The following COP1 variants were observed in gnomAD, a reference collection of about 807,000 sequenced individuals.
COP1 encodes E3 ubiquitin-protein ligase COP1.
A neutral mutation model predicts 101.3 loss-of-function variants in COP1; 24 were observed. The ratio of observed to expected loss-of-function variants is 0.24; its 90% confidence interval spans 0.17 to 0.33. COP1 has a LOEUF of 0.33. COP1 is among the 10% of genes least tolerant of loss of function. COP1 has a pLI of 1.00. For synonymous variants in COP1, 347 were observed against 341.9 expected, an observed-to-expected ratio of 1.01 and a Z score of -0.17; for missense variants, 663 against 906.2, an observed-to-expected ratio of 0.73 and a Z score of 3.45.
chr1:176,113,040 C>T (rs1018918791), intron 9 of COP1, among the ~76,000 whole-genome samples: 4 of 152,106 alleles, frequency 2.6e-5, no homozygotes, highest in Non-Finnish European at 4.4e-5. Context: ...GTGCAGGTAT[C>T]TCTTCCTTTC....
chr1:176,188,196 GCA>G (rs1698707771), intron 1 of COP1, among the ~76,000 whole-genome samples: 1 of 151,926 alleles, frequency 6.6e-6, no homozygotes, highest in South Asian at 2.1e-4. Flanking sequence ...ATAGCAGCCT[GCA>G]CAGACTACAA....
chr1:176,120,205 G>C (rs527519472), intron 8 of COP1, among the ~76,000 whole-genome samples: 4 of 152,160 alleles, frequency 2.6e-5, no homozygotes, highest in Admixed American at 2.6e-4. Context: ...CGGATCACCT[G>C]AGGTCAGGAG....
intron 18 of COP1, among the ~76,000 whole-genome samples, chr1:175,953,648 G>A (rs753480291): frequency 7.3e-5 from 11 of 151,350 alleles, no homozygotes; most frequent in Non-Finnish European, 1.0e-4. Flanking sequence ...GATACACCAC[G>A]CAAACATTAA....
intron 15 of COP1, among the ~76,000 whole-genome samples, chr1:176,003,111 T>C (rs1156683320): frequency 6.6e-6 from 1 of 152,170 alleles, no homozygotes; most frequent in African/African-American, 2.4e-5. Context: ...TGGCCAGTGA[T>C]GATGAGCATT....
At chr1:175,998,281 A>G (rs1420626435) in intron 15 of COP1, among the ~76,000 whole-genome samples, 2 of 150,900 alleles carry the variant, frequency 1.3e-5, no homozygotes, top group African/African-American at 4.9e-5. Flanking sequence ...TGGACACAGG[A>G]AGGGGAACAT....
chr1:176,034,818 A>G (rs1669207212), intron 14 of COP1, among the ~76,000 whole-genome samples: 5 of 152,248 alleles, frequency 3.3e-5, no homozygotes. Context: ...AGGCAGACTC[A>G]AAGTACCACA....
At chr1:176,171,968 G>A (rs943027847) in intron 3 of COP1, among the ~76,000 whole-genome samples, 6 of 151,990 alleles carry the variant, frequency 3.9e-5, no homozygotes, top group Non-Finnish European at 7.4e-5. Flanking sequence ...AGATTCCACC[G>A]GTTACATTTT....
At chr1:175,949,806 T>C (rs1434079609) in intron 18 of COP1, among the ~76,000 whole-genome samples, 1 of 152,174 alleles carries the variant, frequency 6.6e-6, no homozygotes, top group African/African-American at 2.4e-5. Flanking sequence ...CACCTTTTAA[T>C]ATAGAGAAGG....
intron 15 of COP1, among the ~76,000 whole-genome samples, chr1:176,007,976 C>G (rs975604620): frequency 6.6e-6 from 1 of 152,188 alleles, no homozygotes; most frequent in Non-Finnish European, 1.5e-5. Flanking sequence ...TCTCAGACTG[C>G]TCTGCTAGCA....
chr1:175,977,462 A>G (rs984264221), intron 18 of COP1, among the ~76,000 whole-genome samples: 1 of 152,170 alleles, frequency 6.6e-6, no homozygotes, highest in Non-Finnish European at 1.5e-5. Context: ...TCCAGTGTTC[A>G]GCAGTAATAA....
intron 14 of COP1, among the ~76,000 whole-genome samples, chr1:176,030,698 T>C (rs1668518009): frequency 6.6e-6 from 1 of 152,092 alleles, no homozygotes; most frequent in Non-Finnish European, 1.5e-5. Flanking sequence ...AAAATAAAGA[T>C]ACACTAAATG....
At chr1:176,143,613 C>T (rs1691084439) in intron 6 of COP1, among the ~76,000 whole-genome samples, 1 of 151,948 alleles carries the variant, frequency 6.6e-6, no homozygotes, top group African/African-American at 2.4e-5. Context: ...TATAAGCAAA[C>T]CAAACCATAT....
At chr1:175,976,466 C>T (rs958524332) in intron 18 of COP1, among the ~76,000 whole-genome samples, 4 of 151,322 alleles carry the variant, frequency 2.6e-5, no homozygotes, top group Non-Finnish European at 4.4e-5. Context: ...TTAGTGTAGA[C>T]GGGGTTTCAA....
chr1:176,053,739 T>C (rs1205195549), intron 11 of COP1, among the ~76,000 whole-genome samples: 2 of 152,200 alleles, frequency 1.3e-5, no homozygotes, highest in Admixed American at 1.3e-4. Context: ...TAAAAATCTA[T>C]GGAACCTACA....
intron 3 of COP1, among the ~76,000 whole-genome samples, chr1:176,166,888 G>A (rs1456554501): frequency 1.3e-5 from 2 of 152,142 alleles, no homozygotes; most frequent in African/African-American, 4.8e-5. Context: ...AGTGAACCAT[G>A]GTCACGCCAC....
chr1:175,986,000 T>C (rs1571407399), intron 18 of COP1, among the ~76,000 whole-genome samples: 1 of 152,180 alleles, frequency 6.6e-6, no homozygotes, highest in Non-Finnish European at 1.5e-5. Flanking sequence ...AACTCATGTT[T>C]ATATAAATCA....
chr1:176,206,460 C>T, intron 1 of COP1, 112 bp downstream of exon 1: 1 of 1,253,870 alleles, frequency 8.0e-7, no homozygotes, highest in Non-Finnish European at 1.1e-6. Flanking sequence ...ACCACAGCAC[C>T]AGTATCCCAA....
chr1:176,033,745 C>T (rs1219090465), intron 14 of COP1, among the ~76,000 whole-genome samples: 1 of 151,678 alleles, frequency 6.6e-6, no homozygotes, highest in Non-Finnish European at 1.5e-5. Flanking sequence ...AAATATACAG[C>T]ATATGTAGGA....
intron 11 of COP1, 40 bp downstream of exon 11, chr1:176,081,112 C>T: frequency 1.3e-6 from 2 of 1,510,098 alleles, no homozygotes; most frequent in South Asian, 1.2e-5. Context: ...AGATTCTAGA[C>T]ATTCTTACAA....
Sources: allele counts gnomAD v4.1 joint callset (sites outside exome capture counted in the v4.1 genomes callset), GRCh38; gene constraint gnomAD v4.1.1; transcripts MANE v1.5; gene names NCBI Gene and HGNC (gene_info 2026-07-23, HGNC 2026-07-21).